Variants in SARS1 observed in about 807,000 individuals in gnomAD.
The protein encoded by SARS1 is seryl-tRNA synthetase 1.
A neutral mutation model predicts 63.7 loss-of-function variants in SARS1; 25 were observed. The observed-to-expected ratio is 0.39, with a 90% CI of 0.29 to 0.55. SARS1 has a LOEUF of 0.55. Among genes scored for constraint, SARS1 ranks in the 20% least tolerant of loss-of-function variants. The pLI is 0.62. For missense variants in SARS1, 417 were observed against 649.7 expected, an observed-to-expected ratio of 0.64 and a Z score of 3.89; for synonymous variants, 231 against 243.5, an observed-to-expected ratio of 0.95 and a Z score of 0.48.
Position 109,213,938 on chromosome 1 carries a change from T to C in SARS1, c.-55T>C. 1 of 1,547,034 alleles carries C rather than the reference T, an allele frequency of 6.5e-7. No homozygotes were observed. The highest frequency in any genetic ancestry group is 8.7e-7 in the Non-Finnish European group (1 of 1,143,576). On this transcript the variant is annotated 5_prime_UTR_variant, in exon 1 of 11. Coordinates refer to ENST00000234677, the MANE Select transcript of SARS1 (RefSeq NM_006513.4). ...CCGGCGCAGTGCGGCGGTCACAGGC[T>C]GAGTGCTGCGGCGCGATCCTTGCTT...
Position 109,229,454 on chromosome 1 carries a change from T to C in SARS1, c.329T>C (p.Ile110Thr). The change falls in exon 4 of 11, where the codon ATT (isoleucine) becomes ACT (threonine). Residue 110 changes from isoleucine to threonine, a missense_variant. Physicochemically the swap from Ile to Thr is moderately conservative, Grantham distance 89 (BLOSUM62 -1). Transcript: ENST00000234677. The part of the protein sequence containing the change: ...VSQIKKVRLL[I>T]DEAILKCDAE... Reference sequence around the variant, plus strand: ...CAAATCAAAAAAGTCCGACTCCTCATTGATGAAGCCATCCTGAAGTGTGAC... The same window carrying C: ...CAAATCAAAAAAGTCCGACTCCTCACTGATGAAGCCATCCTGAAGTGTGAC... 1.9e-6 allele frequency: 3 copies of C among 1,614,204 alleles called. No individual in the cohort carries two copies. Among genetic ancestry groups the C allele is most frequent in the Non-Finnish European group, 1.7e-6 (2 of 1,180,034 alleles).
chr1:109,237,495 T>C lies in SARS1; in HGVS notation c.1387+122T>C, dbSNP rs1477174718. On this transcript the variant is annotated intron_variant, in intron 10 of 10. Coordinates refer to ENST00000234677, the MANE Select transcript of SARS1 (RefSeq NM_006513.4). The surrounding 1 kb of genome is among the most constrained non-coding windows in gnomAD (Gnocchi z 4.1). ...CAGACACAGCCCCTGAAACTCTGTCTGCCCTCTCGGGCTGGGCAGGGCAGG... is the reference window on the plus strand; with the variant it reads ...CAGACACAGCCCCTGAAACTCTGTCCGCCCTCTCGGGCTGGGCAGGGCAGG... 56 of 1,460,328 alleles carry C rather than the reference T, an allele frequency of 3.8e-5. No homozygotes were observed. Among genetic ancestry groups the C allele is most frequent in the Non-Finnish European group, 5.0e-5 (53 of 1,063,822 alleles). The allele number at this position is 1,460,328 out of a possible 1,614,324, so 90.5% of individuals were successfully genotyped here.
chr1:109,228,395 T>C lies in SARS1; in HGVS notation c.251T>C (p.Val84Ala). Residue 84 changes from valine (V) to alanine (A), a missense_variant, in exon 3 of 11, where the codon GTG becomes GCG. By Grantham distance (64) the Val-to-Ala change is moderately conservative. Coordinates refer to ENST00000234677, the MANE Select transcript of SARS1 (RefSeq NM_006513.4). ...GATGATGAGTCTGTCCCAGAGAATG[T>C]GCTGAGTTTCGATGACCTTACTGCA... Reference protein sequence around the residue: ...VGDDESVPENVLSFDDLTADA... With the variant: ...VGDDESVPENALSFDDLTADA... 1 of 1,614,020 alleles carries C rather than the reference T, an allele frequency of 6.2e-7. No individual in the cohort carries two copies.
rs1440442910 is a variant in SARS1, at chr1:109,236,508, T to G, written c.1217T>G (p.Leu406Arg). 6.2e-7 allele frequency: 1 copy of G among 1,607,366 alleles called. No individual in the cohort carries two copies. The highest frequency in any genetic ancestry group is 8.5e-7 in the Non-Finnish European group (1 of 1,174,342). The change falls in exon 9 of 11, where the codon CTT becomes CGT. Residue 406 changes from leucine to arginine, a missense_variant. Physicochemically the swap from Leu to Arg is moderately radical, Grantham distance 102 (BLOSUM62 -2). Around this residue, in one of 3 missense-constraint regions of SARS1, gnomAD observed 359 missense variants for 529.6 expected, o/e 0.68. Coordinates refer to ENST00000234677, the MANE Select transcript of SARS1 (RefSeq NM_006513.4). The stretch of plus-strand genomic sequence containing the variant: ...TGCACGGATTACCAGGCTCGCCGGC[T>G]TCGAATCCGATATGGGCAAACCAAG... ...SNCTDYQARR[L>R]RIRYGQTKKM...
Position 109,238,094 on chromosome 1 carries a change from C to A in SARS1, c.*206C>A. ...ACCCATCATTGATGACTGATGAAAC[C>A]ATGTAATAAAGCATCTCTGGGGAGG... On this transcript the variant is annotated 3_prime_UTR_variant, in exon 11 of 11. Coordinates refer to ENST00000234677, the MANE Select transcript of SARS1 (RefSeq NM_006513.4). 1 of 611,920 alleles carries A rather than the reference C, an allele frequency of 1.6e-6. No homozygotes were observed. Among genetic ancestry groups the A allele is most frequent in the Non-Finnish European group, 2.9e-6 (1 of 342,566 alleles). 37.9% of individuals were successfully genotyped at this position (611,920 alleles called of 1,614,324 possible). A position where few individuals can be genotyped will look rare whatever the true frequency, so the allele number is the denominator to read the frequency against.
chr1:109,228,062 G>A (rs1487900720), intron 2 of SARS1, among the ~76,000 whole-genome samples: 2 of 152,050 alleles, frequency 1.3e-5, no homozygotes, highest in Non-Finnish European at 2.9e-5. Flanking sequence ...CTATGTACAG[G>A]GAATGACATT....
chr1:109,228,559 A>G, intron 3 of SARS1, 127 bp downstream of exon 3: 3 of 659,638 alleles, frequency 4.5e-6, no homozygotes, highest in East Asian at 2.7e-5. Context: ...CTGCTGGGAA[A>G]TGTCCCCACC....
chr1:109,237,868 A>C lies in SARS1; in HGVS notation c.1525A>C (p.Met509Leu), dbSNP rs150617604. The C allele has an allele frequency of 6.2e-7, 1 of 1,614,096 alleles. No homozygotes were observed. Among genetic ancestry groups the C allele is most frequent in the African/African-American group, 1.3e-5 (1 of 74,948 alleles). The part of the protein sequence containing the change: ...DVTLENRLQN[M>L]EVTDA The stretch of plus-strand genomic sequence containing the variant: ...CACCCTAGAAAACAGGCTGCAGAAC[A>C]TGGAGGTCACCGATGCTTGAACATT... Residue 509 changes from methionine (M) to leucine (L), a missense_variant, in exon 11 of 11, where the codon ATG becomes CTG. Coordinates refer to ENST00000234677, the MANE Select transcript of SARS1 (RefSeq NM_006513.4). This position sits in a 1 kb window ranked among gnomAD's most constrained non-coding sequence, Gnocchi z 4.1.
intron 2 of SARS1, among the ~76,000 whole-genome samples, chr1:109,226,699 C>CACAT (rs1206730217): frequency 1.5e-5 from 1 of 68,006 alleles, no homozygotes; most frequent in Non-Finnish European, 2.6e-5. Flanking sequence ...TATATATATA[C>CACAT]ACACACACAC....
intron 1 of SARS1, among the ~76,000 whole-genome samples, chr1:109,217,536 G>A (rs2101181192): frequency 6.7e-6 from 1 of 149,026 alleles, no homozygotes; most frequent in Admixed American, 6.7e-5. Flanking sequence ...ATACCCAAAA[G>A]TTATATATAT....
intron 1 of SARS1, 62 bp from the exon 2 acceptor site, chr1:109,223,916 G>A: frequency 8.0e-7 from 1 of 1,247,356 alleles, no homozygotes; most frequent in Non-Finnish European, 1.2e-6. Flanking sequence ...TCAAGATCAG[G>A]AGAAAGGAGT....
At chr1:109,215,109 G>A in intron 1 of SARS1, 3 of 985,396 alleles carry the variant, frequency 3.0e-6, no homozygotes, top group Non-Finnish European at 3.6e-6. Context: ...ATTTTCTCCT[G>A]TTTATAAGGA....
Position 109,237,071 on chromosome 1 carries a change from C to A in SARS1, c.1258-173C>A. 8.4e-7 allele frequency: 1 copy of A among 1,195,782 alleles called. No homozygotes were observed. The highest frequency in any genetic ancestry group is 1.1e-6 in the Non-Finnish European group (1 of 872,452). 74.1% of individuals were successfully genotyped at this position (1,195,782 alleles called of 1,614,324 possible). A position where few individuals can be genotyped will look rare whatever the true frequency, so the allele number is the denominator to read the frequency against. ...GATCTTTCTGCAGTTATCTAATAGG[C>A]AATAAATACCAAATAATTCAAATTT... On this transcript the variant is annotated intron_variant, in intron 9 of 10. Transcript: ENST00000234677. The surrounding 1 kb of genome is among the most constrained non-coding windows in gnomAD (Gnocchi z 4.1).
chr1:109,229,521 C>T lies in SARS1; in HGVS notation c.396C>T (p.Leu132=). 11 of 1,614,210 alleles carry T rather than the reference C, an allele frequency of 6.8e-6. No homozygotes were observed. Among genetic ancestry groups the T allele is most frequent in the Non-Finnish European group, 9.3e-6 (11 of 1,180,042 alleles). Residue 132 remains leucine, a synonymous_variant, in exon 4 of 11, where the codon CTC becomes CTT. Transcript: ENST00000234677. ...TGGAAGCAGAGCGGTTTGAGAACCT[C>T]CGAGAGATTGGGAACCTTCTGCACC... is the stretch of plus-strand genomic sequence containing the variant. ...IKLEAERFEN[L]REIGNLLHPS...
intron 1 of SARS1, chr1:109,217,146 T>C: frequency 1.0e-6 from 1 of 985,232 alleles, no homozygotes; most frequent in Non-Finnish European, 1.2e-6. Flanking sequence ...GAATAGAATG[T>C]TAGCTTCATG....
intron 2 of SARS1, among the ~76,000 whole-genome samples, chr1:109,226,223 A>G (rs1028360730): frequency 4.1e-5 from 6 of 145,644 alleles, no homozygotes; most frequent in Admixed American, 7.0e-5. Flanking sequence ...CCAACTTTTT[A>G]AGATGATTTT....
chr1:109,223,868 C>T lies in SARS1; in HGVS notation c.137-110C>T, dbSNP rs1020088740. ...CATGAGGCAGATCCTTCAGCTCTGC[C>T]GGCATTTGGGCCTTAACCTGAAATC... is the stretch of plus-strand genomic sequence containing the variant. On this transcript the variant is annotated intron_variant, in intron 1 of 10. Coordinates refer to ENST00000234677, the MANE Select transcript of SARS1 (RefSeq NM_006513.4). 6.3e-5 allele frequency: 49 copies of T among 778,366 alleles called. No individual in the cohort carries two copies. In the East Asian group the frequency reaches 8.2e-4, roughly 13 times the overall value. 48.2% of individuals were successfully genotyped at this position (778,366 alleles called of 1,614,324 possible). A position where few individuals can be genotyped will look rare whatever the true frequency, so the allele number is the denominator to read the frequency against.
intron 6 of SARS1, among the ~76,000 whole-genome samples, chr1:109,234,419 G>C (rs1405018896): frequency 2.0e-5 from 3 of 151,810 alleles, no homozygotes; most frequent in Non-Finnish European, 2.9e-5. Context: ...TAATGTTACA[G>C]TGAACTTTGT....
At position 109,230,947 on chromosome 1, in the gene SARS1, C is replaced by T; in HGVS notation, c.517C>T (p.Leu173=). ...TVRKKYSHVD[L]VVMVDGFEGE... ...CAGGAAGAAGTACTCTCATGTGGAC[C>T]TGGTGGTGATGGTAGATGGCTTTGA... The change falls in exon 5 of 11, where the codon CTG becomes TTG. Residue 173 remains leucine, a synonymous_variant. Coordinates refer to ENST00000234677, the MANE Select transcript of SARS1 (RefSeq NM_006513.4). The T allele has an allele frequency of 6.3e-7, 1 of 1,588,662 alleles. No homozygotes were observed. Among genetic ancestry groups the T allele is most frequent in the Non-Finnish European group, 8.6e-7 (1 of 1,167,720 alleles).
Sources: gnomAD v4.1 joint callset for allele counts (sites outside exome capture counted in the v4.1 genomes callset) on GRCh38, gnomAD v4.1.1 for gene constraint, gnomAD v4.1.1 regional missense constraint, Gnocchi (gnomAD v3.1) non-coding constraint, MANE v1.5 for transcripts, NCBI Gene and HGNC (gene_info 2026-07-23, HGNC 2026-07-21) for gene names.